The following PHF20 variants were observed in gnomAD, a reference collection of about 807,000 sequenced individuals.
PHF20 encodes the protein glioma-expressed antigen 2.
In PHF20, 23 loss-of-function variants were observed where a neutral mutation model predicts 113.5. The ratio of observed to expected loss-of-function variants is 0.20; its 90% CI spans 0.15 to 0.29. PHF20 has a LOEUF of 0.29. PHF20 is among the 10% of genes least tolerant of loss of function. PHF20 has a pLI of 1.00. For missense variants in PHF20, 943 were observed against 1,219.6 expected, an observed-to-expected ratio of 0.77 and a Z score of 3.38; for synonymous variants, 434 against 457.3, an observed-to-expected ratio of 0.95 and a Z score of 0.65.
At chr20:35,857,577 T>TTTG (rs2042858768) in intron 4 of PHF20, among the ~76,000 whole-genome samples, 2 of 131,410 alleles carry the variant, frequency 1.5e-5, no homozygotes, top group South Asian at 4.5e-4. Context: ...TTTTTTTTTT[T>TTTG]TTTTTTTTTG....
chr20:35,933,167 C>A (rs537070006), intron 15 of PHF20, among the ~76,000 whole-genome samples: 1 of 150,576 alleles, frequency 6.6e-6, no homozygotes, highest in African/African-American at 2.4e-5. Context: ...AGTGCAGTGG[C>A]TACTCACAGG....
intron 9 of PHF20, among the ~76,000 whole-genome samples, chr20:35,896,662 G>T (rs6119673): frequency 6.6e-6 from 1 of 151,380 alleles, no homozygotes; most frequent in African/African-American, 2.4e-5. Context: ...AAAACTGGAC[G>T]TGGTGGTGGG....
rs112655631 is a variant in PHF20, at chr20:35,886,231, T to A, written c.1283-13139T>A. On this transcript the variant is annotated intron_variant, in intron 9 of 17. Transcript: ENST00000374012. Reference sequence around the variant, plus strand: ...TCAGCTCACTGCAACCTCCGCCTCCTGGGTTCAAGTGATTCTCCTGCCTCA... The same window carrying A: ...TCAGCTCACTGCAACCTCCGCCTCCAGGGTTCAAGTGATTCTCCTGCCTCA... Among the ~76,000 whole-genome samples the A allele has an allele frequency of 3.0e-3, 450 of 151,672 alleles. 1 individual carries two copies. The highest frequency in any genetic ancestry group is 0.01 in the African/African-American group (421 of 41,350).
chr20:35,799,479 A>G (rs906292944), intron 1 of PHF20, among the ~76,000 whole-genome samples: 3 of 151,774 alleles, frequency 2.0e-5, no homozygotes, highest in East Asian at 1.9e-4. Context: ...AAAATTTTAA[A>G]AAGTCCAGAG....
intron 9 of PHF20, among the ~76,000 whole-genome samples, chr20:35,880,946 C>G (rs183494628): frequency 6.7e-6 from 1 of 150,302 alleles, no homozygotes; most frequent in South Asian, 2.1e-4. Context: ...AATGACAGAG[C>G]GAGACTCTGT....
At chr20:35,870,684 A>C (rs2054405133) in intron 7 of PHF20, among the ~76,000 whole-genome samples, 1 of 149,800 alleles carries the variant, frequency 6.7e-6, no homozygotes, top group South Asian at 2.1e-4. Context: ...GAAGCCCCAA[A>C]ATAGAACATA....
At chr20:35,803,384 C>T (rs535613960) in intron 2 of PHF20, among the ~76,000 whole-genome samples, 6 of 149,506 alleles carry the variant, frequency 4.0e-5, no homozygotes, top group Admixed American at 1.3e-4. Context: ...AGTGTAGTGG[C>T]GTGATCTCGG....
chr20:35,919,251 A>G (rs1323708527), intron 13 of PHF20, among the ~76,000 whole-genome samples: 2 of 151,888 alleles, frequency 1.3e-5, no homozygotes, highest in East Asian at 3.9e-4. Flanking sequence ...TCCCGACCTC[A>G]GGTGATCCAC....
intron 9 of PHF20, among the ~76,000 whole-genome samples, chr20:35,889,486 C>T (rs1002492605): frequency 3.3e-5 from 5 of 151,754 alleles, no homozygotes; most frequent in African/African-American, 7.3e-5. Flanking sequence ...CTCAGCCTCC[C>T]GAGTAGCTGG....
chr20:35,832,639 C>A (rs911946063), intron 2 of PHF20, among the ~76,000 whole-genome samples: 1 of 152,046 alleles, frequency 6.6e-6, no homozygotes, highest in African/African-American at 2.4e-5. Context: ...TTTCAGGTAA[C>A]GGGAGCATAC....
chr20:35,893,606 C>A (rs2054918744), intron 9 of PHF20, among the ~76,000 whole-genome samples: 1 of 151,982 alleles, frequency 6.6e-6, no homozygotes, highest in Admixed American at 6.6e-5. Flanking sequence ...TCCCAGCCGG[C>A]CATGGCTTTT....
chr20:35,899,693 T>C (rs1168776520), intron 10 of PHF20, 45 bp downstream of exon 10: 1 of 1,588,272 alleles, frequency 6.3e-7, no homozygotes, highest in Non-Finnish European at 8.6e-7. Context: ...GCTCAGTTGC[T>C]TGGCCACAGT....
chr20:35,861,351 C>T (rs1006388099), intron 5 of PHF20, among the ~76,000 whole-genome samples: 15 of 152,022 alleles, frequency 9.9e-5, no homozygotes, highest in African/African-American at 3.6e-4. Flanking sequence ...CTTGACTTAA[C>T]AATTTGATGT....
intron 9 of PHF20, among the ~76,000 whole-genome samples, chr20:35,890,472 C>T (rs542419477): frequency 2.0e-5 from 3 of 152,314 alleles, no homozygotes; most frequent in East Asian, 3.9e-4. Context: ...GTACCAGTGA[C>T]ACATGGTCCC....
At chr20:35,864,452 A>ACACACACACACAC (rs59351622) in intron 6 of PHF20, among the ~76,000 whole-genome samples, 1 of 151,084 alleles carries the variant, frequency 6.6e-6, no homozygotes, top group Non-Finnish European at 1.5e-5. Context: ...ACACACACAC[A>ACACACACACACAC]AATATTTTCA....
chr20:35,899,623 G>A lies in PHF20; in HGVS notation c.1536G>A (p.Arg512=). Residue 512 remains arginine, a synonymous_variant, in exon 10 of 18, where the codon AGG becomes AGA. Transcript: ENST00000374012. ...AGCCCAGCCAGGAGACCCTGACCAGGAAGCGGGTCTCTGCCAGTTCCCCAA... is the reference window on the plus strand; with the variant it reads ...AGCCCAGCCAGGAGACCCTGACCAGAAAGCGGGTCTCTGCCAGTTCCCCAA... ...SDKPSQETLT[R]KRVSASSPTT... 6.2e-7 allele frequency: 1 copy of A among 1,614,160 alleles called. No homozygotes were observed. The highest frequency in any genetic ancestry group is 8.5e-7 in the Non-Finnish European group (1 of 1,180,018).
chr20:35,792,272 C>T (rs1384754029), intron 1 of PHF20, among the ~76,000 whole-genome samples: 1 of 152,022 alleles, frequency 6.6e-6, no homozygotes, highest in African/African-American at 2.4e-5. Context: ...ATTGCAACCT[C>T]CACCTTCTGG....
At position 35,871,701 on chromosome 20, in the gene PHF20, G is replaced by A. The variant is rs1237762650; in HGVS notation, c.1154G>A (p.Cys385Tyr). The change falls in exon 9 of 18, where the codon TGC (cysteine) becomes TAC (tyrosine). Residue 385 changes from cysteine (C) to tyrosine (Y), a missense_variant. By Grantham distance (194) the Cys-to-Tyr change is radical. Transcript: ENST00000374012. ...GGCCAGGTCTCATCTGCACTGACTT[G>A]CCACTCCTTTGGGGATGGATCCGGG... ...EAGQVSSALTCHSFGDGSGAA... is the reference protein window; with the variant it reads ...EAGQVSSALTYHSFGDGSGAA... 1 of 1,613,534 alleles carries A rather than the reference G, an allele frequency of 6.2e-7. No individual in the cohort carries two copies. The highest frequency in any genetic ancestry group is 1.3e-5 in the African/African-American group (1 of 74,874).
At chr20:35,944,143 A>G (rs796764443) in intron 17 of PHF20, among the ~76,000 whole-genome samples, 19 of 152,272 alleles carry the variant, frequency 1.2e-4, no homozygotes, top group African/African-American at 4.6e-4. Flanking sequence ...CTGCATCTTT[A>G]AAAGAGACAC....
Sources: gnomAD v4.1 joint callset for allele counts (sites outside exome capture counted in the v4.1 genomes callset) on GRCh38, gnomAD v4.1.1 for gene constraint, MANE v1.5 for transcripts, NCBI Gene and HGNC (gene_info 2026-07-23, HGNC 2026-07-21) for gene names.